Variants in PVT1 observed in about 807,000 individuals in gnomAD.
The protein encoded by PVT1 is CXCR4/PVT1 fusion.
intron 2 of PVT1, among the ~76,000 whole-genome samples, chr8:127,858,011 T>C (rs940379428): frequency 4.6e-5 from 7 of 152,198 alleles, no homozygotes; most frequent in Admixed American, 2.0e-4. Context: ...TCAGAATCTT[T>C]GGAGTGCTGT....
At chr8:127,891,134 G>A (rs1815597159) in intron 3 of PVT1, 1 of 152,242 alleles carries the variant, frequency 6.6e-6, no homozygotes, top group African/African-American at 2.4e-5. Context: ...GAACTAAAGA[G>A]GTCCTTCCTG....
At chr8:128,011,329 C>A (rs866409520) in intron 4 of PVT1, among the ~76,000 whole-genome samples, 2 of 152,112 alleles carry the variant, frequency 1.3e-5, no homozygotes, top group Admixed American at 1.3e-4. Context: ...AACCTACCCC[C>A]ATGTACTCAG....
chr8:128,095,780 C>T (rs559068531), intron 5 of PVT1, among the ~76,000 whole-genome samples: 2 of 152,184 alleles, frequency 1.3e-5, no homozygotes, highest in East Asian at 1.9e-4. Flanking sequence ...GTTAGCGTTG[C>T]GGTCAGCCGC....
chr8:128,085,791 G>T (rs1052472107), intron 5 of PVT1, among the ~76,000 whole-genome samples: 1 of 152,174 alleles, frequency 6.6e-6, no homozygotes, highest in Non-Finnish European at 1.5e-5. Flanking sequence ...GTATGTCTTA[G>T]CATCTTTGAT....
intron 3 of PVT1, among the ~76,000 whole-genome samples, chr8:127,891,854 G>A (rs915495501): frequency 1.8e-4 from 27 of 152,236 alleles, no homozygotes; most frequent in Non-Finnish European, 3.7e-4. Context: ...TGAGGAAATG[G>A]AGTCTCATGC....
chr8:127,936,216 C>G (rs558387789), intron 3 of PVT1, among the ~76,000 whole-genome samples: 228 of 152,018 alleles, frequency 1.5e-3, no homozygotes, highest in Non-Finnish European at 2.8e-3. Context: ...CCACGCCCGG[C>G]TAATTTTGTA....
intron 3 of PVT1, among the ~76,000 whole-genome samples, chr8:127,966,948 C>T (rs1164612922): frequency 1.3e-5 from 2 of 152,188 alleles, no homozygotes; most frequent in Non-Finnish European, 2.9e-5. Context: ...TATCCCAGAG[C>T]TATGGCTAGT....
chr8:127,972,073 A>G lies in PVT1; in HGVS notation n.783-17089A>G, dbSNP rs922850895. On this transcript the variant is annotated intron_variant and non_coding_transcript_variant, in intron 3 of 10. Transcript: ENST00000651587. Reference sequence around the variant, plus strand: ...GCATCTGGCCTCAGCCTCCCTGGACACCTGCTCCTGAGGAGCCTGCAGATT... The same window carrying G: ...GCATCTGGCCTCAGCCTCCCTGGACGCCTGCTCCTGAGGAGCCTGCAGATT... 2.0e-5 allele frequency among the ~76,000 whole-genome samples: 3 copies of G among 152,220 alleles called. No homozygotes were observed. In the East Asian group the frequency reaches 5.8e-4, roughly 29 times the overall value.
chr8:127,929,082 A>G (rs1158311684), intron 3 of PVT1, among the ~76,000 whole-genome samples: 2 of 152,062 alleles, frequency 1.3e-5, no homozygotes, highest in Non-Finnish European at 2.9e-5. Context: ...AAACATATGT[A>G]TTGTACTTTG....
At chr8:128,002,930 C>T (rs182277034) in intron 4 of PVT1, among the ~76,000 whole-genome samples, 16 of 150,000 alleles carry the variant, frequency 1.1e-4, no homozygotes, top group East Asian at 4.0e-4. Context: ...TTCCTCCCTC[C>T]CTGTCTCCCT....
At chr8:127,864,021 G>A (rs1236191614) in intron 2 of PVT1, among the ~76,000 whole-genome samples, 1 of 152,170 alleles carries the variant, frequency 6.6e-6, no homozygotes, top group African/African-American at 2.4e-5. Context: ...CAGGTGATTG[G>A]CACATCCCTG....
At position 128,086,850 on chromosome 8, in the gene PVT1, T is replaced by C. The variant is rs140993321; in HGVS notation, n.1115-9668T>C. The stretch of plus-strand genomic sequence containing the variant: ...GGCTGCATGGCTGGCTCTCCTGGAA[T>C]TGTTGGGAGTGGTTTCTGTTGATTA... On this transcript the variant is annotated intron_variant and non_coding_transcript_variant, in intron 5 of 10. Transcript: ENST00000651587. Among the ~76,000 whole-genome samples, 3 of 152,334 alleles carry C rather than the reference T, an allele frequency of 2.0e-5. No individual in the cohort carries two copies. In the East Asian group the frequency reaches 5.8e-4, roughly 29 times the overall value.
intron 5 of PVT1, among the ~76,000 whole-genome samples, chr8:128,088,351 CAG>C (rs1814285076): frequency 6.6e-6 from 1 of 152,112 alleles, no homozygotes; most frequent in Admixed American, 6.5e-5. Context: ...AAGACACACT[CAG>C]GGCTTCAGCA....
intron 4 of PVT1, among the ~76,000 whole-genome samples, chr8:128,011,920 C>A (rs999505156): frequency 6.6e-6 from 1 of 152,088 alleles, no homozygotes. Context: ...GATATCCACA[C>A]AGGGACTGTA....
chr8:127,825,362 T>C (rs1398171650), intron 2 of PVT1, among the ~76,000 whole-genome samples: 1 of 152,170 alleles, frequency 6.6e-6, no homozygotes, highest in Admixed American at 6.5e-5. Context: ...ACACCAAATA[T>C]TTTTTCCTCC....
At chr8:128,012,213 G>A (rs980882704) in intron 4 of PVT1, among the ~76,000 whole-genome samples, 2 of 152,174 alleles carry the variant, frequency 1.3e-5, no homozygotes. Context: ...TGGCAGAAGA[G>A]GAATACATGG....
At chr8:127,878,413 T>C (rs944289129) in intron 2 of PVT1, among the ~76,000 whole-genome samples, 1 of 152,234 alleles carries the variant, frequency 6.6e-6, no homozygotes, top group Non-Finnish European at 1.5e-5. Flanking sequence ...TTCACAGATA[T>C]GGATGCAGGT....
At chr8:128,041,306 CAT>C (rs1348455915) in intron 4 of PVT1, among the ~76,000 whole-genome samples, 1 of 87,536 alleles carries the variant, frequency 1.1e-5, no homozygotes, top group Non-Finnish European at 2.5e-5. Context: ...GTGTTGTGCT[CAT>C]GTTTGTGCAT....
chr8:128,040,349 G>A (rs1294801632), intron 4 of PVT1, among the ~76,000 whole-genome samples: 3 of 152,222 alleles, frequency 2.0e-5, no homozygotes, highest in Admixed American at 6.5e-5. Context: ...TTGGACTCAA[G>A]CCGCAGTATC....
Sources: gnomAD v4.1 joint callset for allele counts (sites outside exome capture counted in the v4.1 genomes callset) on GRCh38, gnomAD v4.1.1 for gene constraint, MANE v1.5 for transcripts, NCBI Gene and HGNC (gene_info 2026-07-23, HGNC 2026-07-21) for gene names.